SCARA3: variants seen among roughly 807,000 people sequenced by gnomAD.
SCARA3 encodes the protein cellular stress response gene protein.
A neutral mutation model predicts 47.0 loss-of-function variants in SCARA3; 39 were observed. The ratio of observed to expected loss-of-function variants is 0.83; its 90% CI spans 0.64 to 1.08. The LOEUF is 1.08. Ranked by LOEUF, SCARA3 falls within the 50% of genes least tolerant of loss-of-function variation. The pLI, the probability that SCARA3 is intolerant of heterozygous loss-of-function variation, is 0.00. For missense variants in SCARA3, 724 were observed against 792.3 expected (o/e 0.91, Z 1.04); for synonymous variants, 356 against 334.1 (o/e 1.07, Z -0.71).
chr8:27,719,343 C>T, the SCARA3 span, among the ~76,000 whole-genome samples: 17 of 152,056 alleles, frequency 1.1e-4, no homozygotes, highest in Admixed American at 5.2e-4. Context: ...AACACGTGGA[C>T]GCATAGAAGG....
the SCARA3 span, among the ~76,000 whole-genome samples, chr8:27,684,890 A>G: frequency 6.7e-6 from 1 of 150,032 alleles, no homozygotes; most frequent in East Asian, 2.0e-4. Flanking sequence ...CAACATAGTG[A>G]GACACTTCTC....
At chr8:27,712,849 A>C in the SCARA3 span, among the ~76,000 whole-genome samples, 1 of 152,124 alleles carries the variant, frequency 6.6e-6, no homozygotes, top group Admixed American at 6.5e-5. Context: ...ATACATTTTA[A>C]AATGCTATTT....
the SCARA3 span, among the ~76,000 whole-genome samples, chr8:27,686,161 C>T: frequency 1.3e-5 from 2 of 152,086 alleles, no homozygotes; most frequent in Admixed American, 1.3e-4. Context: ...ATTATTGTTG[C>T]TGGGCGTGGT....
rs776454362 is a variant in SCARA3 at position 27,649,839 on chromosome 8, C to T, written c.106+39C>T. 45 of 1,528,376 alleles carry T rather than the reference C, an allele frequency of 2.9e-5. No individual in the cohort carries two copies. In the Admixed American group the frequency reaches 7.9e-4, roughly 27 times the overall value. 94.7% of individuals were successfully genotyped at this position (1,528,376 alleles called of 1,614,324 possible). ...GGCTGCCCCTGATCTCCGCTCTGGG[C>T]TGAGAGATCCCTGTCTCCATCCCCA... is the stretch of plus-strand genomic sequence containing the variant. On this transcript the variant is annotated intron_variant, in intron 2 of 5. Coordinates refer to ENST00000301904, the MANE Select transcript of SCARA3 (RefSeq NM_016240.3).
chr8:27,646,403 C>T (rs1012403294), intron 1 of SCARA3, among the ~76,000 whole-genome samples: 2 of 152,192 alleles, frequency 1.3e-5, no homozygotes, highest in East Asian at 1.9e-4. Context: ...AGGGTGTTTG[C>T]TGAAGGCTGG....
At position 27,634,361 on chromosome 8, in the gene SCARA3, G is replaced by C. The variant is rs34147684; in HGVS notation, c.7+154G>C. On this transcript the variant is annotated intron_variant, in intron 1 of 5. Coordinates refer to ENST00000301904, the MANE Select transcript of SCARA3 (RefSeq NM_016240.3). ...GCCTTTTTGGGCATCCTGCGAGACAGGACGGATCCCTGAAGACCAGAGGAA... is the reference window on the plus strand; with the variant it reads ...GCCTTTTTGGGCATCCTGCGAGACACGACGGATCCCTGAAGACCAGAGGAA... 3.3e-5 allele frequency among the ~76,000 whole-genome samples: 5 copies of C among 152,304 alleles called. No homozygotes were observed. The East Asian group carries it at 7.7e-4, about 24-fold the overall frequency.
chr8:27,653,638 G>A (rs1445404107), intron 3 of SCARA3, among the ~76,000 whole-genome samples: 4 of 151,438 alleles, frequency 2.6e-5, no homozygotes, highest in Non-Finnish European at 5.9e-5. Context: ...ACTGGTCAAT[G>A]CTTTACAACC....
chr8:27,643,258 G>T (rs1801421115), intron 1 of SCARA3, among the ~76,000 whole-genome samples: 1 of 152,212 alleles, frequency 6.6e-6, no homozygotes, highest in Non-Finnish European at 1.5e-5. Context: ...CACAACCTCT[G>T]TGGTTACCAA....
the SCARA3 span, among the ~76,000 whole-genome samples, chr8:27,692,353 A>C: frequency 0.49 from 73,416 of 151,260 alleles, 18,114 homozygotes; most frequent in Middle Eastern, 0.62. Flanking sequence ...CTGGGAGGTG[A>C]AGGTTGTGGT....
chr8:27,729,378 C>T, the SCARA3 span, among the ~76,000 whole-genome samples: 2 of 152,226 alleles, frequency 1.3e-5, no homozygotes, highest in Admixed American at 1.3e-4. Flanking sequence ...CACCCTCCCA[C>T]AGGTGTTACC....
At chr8:27,700,694 G>C in the SCARA3 span, among the ~76,000 whole-genome samples, 1 of 152,018 alleles carries the variant, frequency 6.6e-6, no homozygotes, top group Non-Finnish European at 1.5e-5. Flanking sequence ...ACATGAAAAA[G>C]TGTTCCAGCT....
the SCARA3 span, among the ~76,000 whole-genome samples, chr8:27,705,552 G>A: frequency 6.6e-6 from 1 of 152,266 alleles, no homozygotes; most frequent in African/African-American, 2.4e-5. Flanking sequence ...GTGACCTTGA[G>A]TAATTTACTT....
chr8:27,667,804 C>T (rs1475388975), intron 5 of SCARA3, among the ~76,000 whole-genome samples: 2 of 152,216 alleles, frequency 1.3e-5, no homozygotes, highest in African/African-American at 4.8e-5. Flanking sequence ...CCAGCCGTGA[C>T]ACGGGCAGCG....
At chr8:27,669,599 G>A (rs1802099556) in intron 5 of SCARA3, among the ~76,000 whole-genome samples, 1 of 152,236 alleles carries the variant, frequency 6.6e-6, no homozygotes, top group Admixed American at 6.5e-5. Flanking sequence ...ACTCAACAAT[G>A]GAATCTCAGC....
chr8:27,667,268 T>A (rs1397205086), intron 5 of SCARA3, among the ~76,000 whole-genome samples: 1 of 152,210 alleles, frequency 6.6e-6, no homozygotes, highest in Non-Finnish European at 1.5e-5. Context: ...TCTGCCCGCA[T>A]GACTCATGCC....
the SCARA3 span, among the ~76,000 whole-genome samples, chr8:27,717,361 A>G: frequency 6.6e-6 from 1 of 152,212 alleles, no homozygotes. Flanking sequence ...ACACCAACGA[A>G]CAACATAATA....
chr8:27,709,366 A>G, the SCARA3 span, among the ~76,000 whole-genome samples: 2 of 152,228 alleles, frequency 1.3e-5, no homozygotes, highest in African/African-American at 2.4e-5. Flanking sequence ...AGGAAGAGGC[A>G]GGACCAGAAT....
intron 1 of SCARA3, among the ~76,000 whole-genome samples, chr8:27,637,198 C>A (rs1020579250): frequency 6.6e-6 from 1 of 152,246 alleles, no homozygotes; most frequent in Admixed American, 6.5e-5. Context: ...CACCCGAGGC[C>A]CCTCCTGCCC....
At chr8:27,720,234 G>GGATGGGTGTATGGGGGGAGGGGGTTAGT in the SCARA3 span, among the ~76,000 whole-genome samples, 1 of 152,052 alleles carries the variant, frequency 6.6e-6, no homozygotes, top group South Asian at 2.1e-4. Flanking sequence ...GAGCAAGTCT[G>GGATGGGTGTATGGGGGGAGGGGGTTAGT]AGTGGCGAGG....
Sources: allele counts gnomAD v4.1 joint callset (sites outside exome capture counted in the v4.1 genomes callset), GRCh38; gene constraint gnomAD v4.1.1; transcripts MANE v1.5; gene names NCBI Gene and HGNC (gene_info 2026-07-23, HGNC 2026-07-21).